Variants in TAFA5 observed in about 807,000 individuals in gnomAD.
The protein encoded by TAFA5 is TAFA chemokine like family member 5, also known as chemokine-like protein TAFA-5.
Under a neutral mutation model 15.3 loss-of-function variants are expected in TAFA5, and 6 were observed. The ratio of observed to expected loss-of-function variants is 0.39; its 90% confidence interval spans 0.21 to 0.77. TAFA5 has a LOEUF of 0.77. Among genes scored for constraint, TAFA5 ranks in the 30% least tolerant of loss-of-function variants. TAFA5 has a pLI of 0.41. For missense variants in TAFA5, 161 were observed against 193.1 expected (o/e 0.83, Z 0.98); for synonymous variants, 103 against 80.7 (o/e 1.28, Z -1.48).
intron 2 of TAFA5, among the ~76,000 whole-genome samples, 165 bp from the exon 3 acceptor site, chr22:48,707,552 C>A (rs185508841): frequency 6.6e-6 from 1 of 152,188 alleles, no homozygotes; most frequent in Non-Finnish European, 1.5e-5. Flanking sequence ...AGGAAGCTGG[C>A]AAAGCCCCTG....
At chr22:48,707,667 C>T (rs1249197766) in intron 2 of TAFA5, 50 bp from the exon 3 acceptor site, 3 of 1,596,334 alleles carry the variant, frequency 1.9e-6, no homozygotes, top group South Asian at 1.1e-5. Context: ...GCAACACCCT[C>T]ACGATCCATG....
At chr22:48,620,699 C>T (rs1012447919) in intron 1 of TAFA5, among the ~76,000 whole-genome samples, 190 of 23,836 alleles carry the variant, frequency 8.0e-3, no homozygotes, top group Non-Finnish European at 0.014. Context: ...CTACTCACCC[C>T]CATACCCATC....
At chr22:48,681,365 G>C (rs992074580) in intron 2 of TAFA5, among the ~76,000 whole-genome samples, 4 of 152,046 alleles carry the variant, frequency 2.6e-5, no homozygotes, top group Admixed American at 2.6e-4. Context: ...AGATGAGGCC[G>C]GGTGCGGTGG....
intron 1 of TAFA5, among the ~76,000 whole-genome samples, chr22:48,609,644 A>G (rs1005684396): frequency 2.0e-5 from 3 of 152,118 alleles, no homozygotes; most frequent in African/African-American, 7.2e-5. Flanking sequence ...AGACCTGAGG[A>G]TGGTGTATGA....
chr22:48,623,713 G>A (rs1316192679), intron 1 of TAFA5, among the ~76,000 whole-genome samples: 2 of 152,244 alleles, frequency 1.3e-5, no homozygotes, highest in Non-Finnish European at 2.9e-5. Context: ...ACGGCGGCCC[G>A]AGGCCTCTGC....
intron 3 of TAFA5, among the ~76,000 whole-genome samples, chr22:48,749,147 A>G (rs1230350982): frequency 1.3e-5 from 2 of 152,176 alleles, no homozygotes; most frequent in Non-Finnish European, 2.9e-5. Flanking sequence ...CCGGGCAAGG[A>G]GCACTGAGGA....
intron 3 of TAFA5, among the ~76,000 whole-genome samples, chr22:48,743,380 C>G (rs572530478): frequency 8.3e-4 from 127 of 152,324 alleles, no homozygotes; most frequent in African/African-American, 2.9e-3. Context: ...TGTGTTTGCC[C>G]TGAGTCCAGA....
intron 3 of TAFA5, among the ~76,000 whole-genome samples, chr22:48,725,944 A>G (rs1265215773): frequency 6.6e-6 from 1 of 152,200 alleles, no homozygotes; most frequent in Non-Finnish European, 1.5e-5. Flanking sequence ...AAACCAAACA[A>G]AAACACCCTG....
intron 1 of TAFA5, among the ~76,000 whole-genome samples, chr22:48,495,096 G>A (rs1928280175): frequency 6.6e-6 from 1 of 152,214 alleles, no homozygotes. Flanking sequence ...ATTCTCCCTG[G>A]AAGAGGCCTC....
chr22:48,599,980 A>G (rs1223525953), intron 1 of TAFA5, among the ~76,000 whole-genome samples: 1 of 151,880 alleles, frequency 6.6e-6, no homozygotes, highest in Admixed American at 6.6e-5. Context: ...GCCTGCGGTG[A>G]GTGTTTGCAG....
chr22:48,514,605 A>G (rs958866554), intron 1 of TAFA5, among the ~76,000 whole-genome samples: 2 of 152,028 alleles, frequency 1.3e-5, no homozygotes, highest in Admixed American at 6.5e-5. Context: ...GGAGCTTATA[A>G]GCCGGGCAGC....
intron 2 of TAFA5, among the ~76,000 whole-genome samples, chr22:48,649,551 A>G (rs1317865531): frequency 6.6e-6 from 1 of 152,146 alleles, no homozygotes; most frequent in Non-Finnish European, 1.5e-5. Flanking sequence ...ATTAAACACC[A>G]GGTACGCAGG....
intron 1 of TAFA5, among the ~76,000 whole-genome samples, chr22:48,525,143 G>A (rs982118266): frequency 1.3e-5 from 2 of 152,172 alleles, no homozygotes; most frequent in Non-Finnish European, 2.9e-5. Flanking sequence ...CCCATCCCAA[G>A]ACCCTTGACT....
intron 1 of TAFA5, among the ~76,000 whole-genome samples, chr22:48,541,309 C>T (rs1922364458): frequency 6.6e-6 from 1 of 152,144 alleles, no homozygotes; most frequent in Non-Finnish European, 1.5e-5. Flanking sequence ...CTCCAAGGAG[C>T]CTGTCCCTGC....
chr22:48,706,826 C>T (rs917403295), intron 2 of TAFA5, among the ~76,000 whole-genome samples: 2 of 152,218 alleles, frequency 1.3e-5, no homozygotes, highest in African/African-American at 2.4e-5. Context: ...ATTCCCGCAG[C>T]GAAGGTTATG....
At chr22:48,584,747 CCACA>C (rs796119794) in intron 1 of TAFA5, among the ~76,000 whole-genome samples, 3 of 148,836 alleles carry the variant, frequency 2.0e-5, no homozygotes, top group East Asian at 2.0e-4. Flanking sequence ...CACGCACCCT[CCACA>C]CACACACAAC....
At chr22:48,711,873 G>A (rs1024308652) in intron 3 of TAFA5, among the ~76,000 whole-genome samples, 10 of 152,328 alleles carry the variant, frequency 6.6e-5, no homozygotes, top group Admixed American at 5.2e-4. Context: ...GGTGTGGGCC[G>A]TTGCCGTTTA....
chr22:48,683,432 C>T (rs771852635), intron 2 of TAFA5, among the ~76,000 whole-genome samples: 1 of 152,218 alleles, frequency 6.6e-6, no homozygotes, highest in Non-Finnish European at 1.5e-5. Flanking sequence ...CTCCTCTCAC[C>T]TATTTTGCTT....
intron 3 of TAFA5, among the ~76,000 whole-genome samples, chr22:48,743,961 TG>T (rs1356496782): frequency 6.6e-6 from 1 of 152,126 alleles, no homozygotes; most frequent in African/African-American, 2.4e-5. Flanking sequence ...CCAGTCGTGA[TG>T]AGTTTGGGGG....
Sources: gnomAD v4.1 joint callset for allele counts (sites outside exome capture counted in the v4.1 genomes callset) on GRCh38, gnomAD v4.1.1 for gene constraint, MANE v1.5 for transcripts, NCBI Gene and HGNC (gene_info 2026-07-23, HGNC 2026-07-21) for gene names.